Variants in UNC13C observed in about 807,000 individuals in gnomAD.
UNC13C encodes the protein unc-13 homolog C.
In UNC13C, 174 loss-of-function variants were observed where a neutral mutation model predicts 245.4. That is an observed-to-expected ratio of 0.71 (90% CI 0.63 to 0.80). The LOEUF is 0.80. UNC13C is among the 30% of genes least tolerant of loss of function. The pLI is 0.00. For synonymous variants in UNC13C, 992 were observed against 895.1 expected (o/e 1.11, Z -1.93); for missense variants, 2,829 against 2,602.9 (o/e 1.09, Z -1.89).
In UNC13C at chr15:54,413,490, G is replaced by A. The variant is rs949951058; in HGVS notation, c.4848-1492G>A. Among the ~76,000 whole-genome samples the A allele has an allele frequency of 2.6e-5, 4 of 152,100 alleles. No individual in the cohort carries two copies. In the South Asian group the frequency reaches 8.3e-4, roughly 32 times the overall value. ...CCTTTTGAAATAAATTGTTTGCCTA[G>A]GGTTATTTTTATATCAGTAAAGTAA... On this transcript the variant is annotated intron_variant, in intron 18 of 32. Transcript: ENST00000260323.
At chr15:53,967,082 G>T in the UNC13C span, among the ~76,000 whole-genome samples, 69,447 of 151,594 alleles carry the variant, frequency 0.46, 16,044 homozygotes, top group Middle Eastern at 0.49. Flanking sequence ...TTTCCAATAC[G>T]AATTTGTTAC....
chr15:54,536,070 T>C (rs879306456), intron 26 of UNC13C, among the ~76,000 whole-genome samples: 1 of 151,842 alleles, frequency 6.6e-6, no homozygotes, highest in Admixed American at 6.6e-5. Context: ...ATAAATAAGA[T>C]TGGTAGACCA....
At chr15:54,016,552 C>T (rs1338224311) in intron 2 of UNC13C, among the ~76,000 whole-genome samples, 5 of 152,142 alleles carry the variant, frequency 3.3e-5, no homozygotes, top group African/African-American at 4.8e-5. Flanking sequence ...TGAGTGGTTA[C>T]CTTCTTAAGA....
intron 4 of UNC13C, among the ~76,000 whole-genome samples, chr15:54,201,773 T>C (rs1021756049): frequency 2.6e-5 from 4 of 151,926 alleles, no homozygotes; most frequent in African/African-American, 9.7e-5. Flanking sequence ...ATGCTCACCC[T>C]CACTACTTCT....
chr15:54,413,106 A>G (rs1388402610), intron 18 of UNC13C, among the ~76,000 whole-genome samples: 1 of 152,086 alleles, frequency 6.6e-6, no homozygotes, highest in Non-Finnish European at 1.5e-5. Context: ...TTAACATTGT[A>G]TTTTTGGGAT....
intron 31 of UNC13C, 89 bp from the exon 32 acceptor site, chr15:54,623,706 T>C (rs1171502956): frequency 3.6e-5 from 43 of 1,210,510 alleles, no homozygotes; most frequent in Non-Finnish European, 4.6e-5. Context: ...GCACTATTAT[T>C]AAGTTTTGGC....
At chr15:53,925,033 T>C in the UNC13C span, among the ~76,000 whole-genome samples, 1 of 152,210 alleles carries the variant, frequency 6.6e-6, no homozygotes, top group African/African-American at 2.4e-5. Flanking sequence ...GGGCCAGATA[T>C]TGAATCAGAA....
intron 16 of UNC13C, 126 bp downstream of exon 16, chr15:54,333,982 C>A (rs973486097): frequency 4.7e-6 from 3 of 632,984 alleles, no homozygotes; most frequent in African/African-American, 3.6e-5. Context: ...GCTGTACTAT[C>A]TTTGCCTGAA....
At chr15:54,024,651 G>T (rs1896030261) in intron 2 of UNC13C, among the ~76,000 whole-genome samples, 1 of 152,114 alleles carries the variant, frequency 6.6e-6, no homozygotes, top group South Asian at 2.1e-4. Context: ...GGGCGCGGTG[G>T]CTCACGTCTG....
chr15:54,272,440 C>T (rs1411270788), intron 10 of UNC13C, among the ~76,000 whole-genome samples: 2 of 151,976 alleles, frequency 1.3e-5, no homozygotes, highest in Admixed American at 6.6e-5. Flanking sequence ...TGATTTATTG[C>T]CTAGATTACC....
intron 2 of UNC13C, among the ~76,000 whole-genome samples, chr15:54,104,835 G>C (rs1900353396): frequency 3.9e-5 from 6 of 151,996 alleles, no homozygotes; most frequent in Admixed American, 3.9e-4. Flanking sequence ...GGTTCATATT[G>C]TAACAATAAG....
intron 4 of UNC13C, among the ~76,000 whole-genome samples, chr15:54,155,969 A>G (rs1263585853): frequency 6.6e-6 from 1 of 152,212 alleles, no homozygotes; most frequent in Non-Finnish European, 1.5e-5. Context: ...GTAAGTTGAA[A>G]GTTTGAATGC....
the UNC13C span, among the ~76,000 whole-genome samples, chr15:53,896,290 A>G: frequency 6.6e-6 from 1 of 152,296 alleles, no homozygotes; most frequent in East Asian, 1.9e-4. Context: ...ACCAAATACA[A>G]TTAAGTGACA....
intron 2 of UNC13C, among the ~76,000 whole-genome samples, chr15:54,061,251 G>C (rs1405201627): frequency 6.6e-6 from 1 of 151,810 alleles, no homozygotes; most frequent in Non-Finnish European, 1.5e-5. Context: ...TACTAGAAAG[G>C]TACTAAAAAG....
intron 29 of UNC13C, among the ~76,000 whole-genome samples, chr15:54,558,188 C>A (rs187416443): frequency 1.3e-5 from 2 of 152,108 alleles, no homozygotes; most frequent in East Asian, 3.9e-4. Flanking sequence ...ACCAGCATGT[C>A]ACATGTATAC....
the UNC13C span, among the ~76,000 whole-genome samples, chr15:53,893,883 G>C: frequency 6.6e-6 from 1 of 152,150 alleles, no homozygotes; most frequent in Non-Finnish European, 1.5e-5. Context: ...GCTGACATTC[G>C]AGGTACCACT....
intron 10 of UNC13C, among the ~76,000 whole-genome samples, chr15:54,291,591 T>C (rs1014812518): frequency 1.3e-5 from 2 of 151,988 alleles, no homozygotes; most frequent in African/African-American, 4.8e-5. Flanking sequence ...CTAATATGGA[T>C]GAAACATTGC....
chr15:54,255,110 G>A (rs901454791), intron 8 of UNC13C, among the ~76,000 whole-genome samples: 6 of 152,164 alleles, frequency 3.9e-5, no homozygotes, highest in African/African-American at 1.4e-4. Context: ...AGAGGTGAAT[G>A]TTTATAGCTG....
At chr15:54,566,348 C>T (rs1897513207) in intron 29 of UNC13C, among the ~76,000 whole-genome samples, 4 of 152,024 alleles carry the variant, frequency 2.6e-5, no homozygotes, top group South Asian at 4.1e-4. Flanking sequence ...ACTAATAGTC[C>T]TCTAAATACT....
Sources: allele counts gnomAD v4.1 joint callset (sites outside exome capture counted in the v4.1 genomes callset), GRCh38; gene constraint gnomAD v4.1.1; transcripts MANE v1.5; gene names NCBI Gene and HGNC (gene_info 2026-07-23, HGNC 2026-07-21).